Variants in NTNG2 observed in about 807,000 individuals in gnomAD.
The protein encoded by NTNG2 is netrin G2.
NTNG2 carries 15 observed loss-of-function variants against 47.6 expected under a neutral mutation model. The observed-to-expected ratio is 0.32, with a 90% CI of 0.21 to 0.49. The LOEUF (loss-of-function observed/expected upper bound fraction) is 0.49. Ranked by LOEUF, NTNG2 falls within the 20% of genes least tolerant of loss-of-function variation. The pLI is 0.99. For synonymous variants in NTNG2, 307 were observed against 324.6 expected (o/e 0.95, Z 0.58); for missense variants, 578 against 764.6 (o/e 0.76, Z 2.88).
chr9:132,189,745 T>C (rs749986138), intron 2 of NTNG2, among the ~76,000 whole-genome samples: 13 of 152,088 alleles, frequency 8.5e-5, no homozygotes, highest in Non-Finnish European at 1.5e-4. Flanking sequence ...GTTCAAATGA[T>C]TCTCGTGCCT....
chr9:132,241,845 C>A (rs1589576707), intron 7 of NTNG2, 31 bp from the exon 8 acceptor site: 2 of 1,492,486 alleles, frequency 1.3e-6, no homozygotes, highest in African/African-American at 1.4e-5. Flanking sequence ...ACCGGGCCAC[C>A]CCCCGTGCTG....
intron 3 of NTNG2, among the ~76,000 whole-genome samples, chr9:132,223,559 T>C (rs555871412): frequency 3.0e-4 from 46 of 152,074 alleles, no homozygotes; most frequent in Non-Finnish European, 6.2e-4. Flanking sequence ...TTACACATCC[T>C]CAAAACAATC....
intron 2 of NTNG2, among the ~76,000 whole-genome samples, chr9:132,194,546 C>G (rs1838137568): frequency 6.6e-6 from 1 of 152,336 alleles, no homozygotes; most frequent in Non-Finnish European, 1.5e-5. Flanking sequence ...GCATGGTGGG[C>G]TTGCCAGTGG....
intron 3 of NTNG2, among the ~76,000 whole-genome samples, chr9:132,210,553 C>CG (rs1839516772): frequency 6.6e-6 from 1 of 152,212 alleles, no homozygotes; most frequent in Non-Finnish European, 1.5e-5. Context: ...CAACAGCGGA[C>CG]GGGGGACTGA....
intron 2 of NTNG2, among the ~76,000 whole-genome samples, chr9:132,176,310 C>T (rs548909652): frequency 3.1e-4 from 47 of 152,346 alleles, no homozygotes; most frequent in African/African-American, 1.0e-3. Context: ...ACGTTTCCAT[C>T]GCCCCAATAG....
chr9:132,163,884 A>AAG lies in NTNG2; in HGVS notation c.-484+1647_-484+1648dup, dbSNP rs1406872257. The stretch of plus-strand genomic sequence containing the variant: ...CCCCTTGGTTCCTGAGGACTCTTAA[A>AAG]AGAAAATAAAGCACATTGATTCTAT... On this transcript the variant is annotated intron_variant, in intron 1 of 7. Coordinates refer to ENST00000393229, the MANE Select transcript of NTNG2 (RefSeq NM_032536.4). The surrounding 1 kb of genome is among the most constrained non-coding windows in gnomAD (Gnocchi z 7.2). Among the ~76,000 whole-genome samples, 2 of 152,220 alleles carry AAG rather than the reference A, an allele frequency of 1.3e-5. No homozygotes were observed. Among genetic ancestry groups the AAG allele is most frequent in the Admixed American group, 6.5e-5 (1 of 15,282 alleles).
At chr9:132,202,703 T>G (rs1158827833) in intron 3 of NTNG2, among the ~76,000 whole-genome samples, 1 of 152,160 alleles carries the variant, frequency 6.6e-6, no homozygotes, top group Non-Finnish European at 1.5e-5. Flanking sequence ...CACACAACCA[T>G]TAAGAGAAGC....
intron 2 of NTNG2, among the ~76,000 whole-genome samples, chr9:132,175,419 G>C (rs1453371132): frequency 2.0e-5 from 3 of 152,196 alleles, no homozygotes; most frequent in African/African-American, 7.2e-5. Flanking sequence ...TGTGCCGTGG[G>C]GCTGGTCCAG....
chr9:132,177,735 G>A (rs957950785), intron 2 of NTNG2, among the ~76,000 whole-genome samples: 4 of 152,118 alleles, frequency 2.6e-5, no homozygotes, highest in African/African-American at 9.7e-5. Context: ...TCAGCTCACT[G>A]CAACCTCCCC....
At position 132,221,044 on chromosome 9, in the gene NTNG2, C is replaced by T. The variant is rs1203172029; in HGVS notation, c.858-5805C>T. On this transcript the variant is annotated intron_variant, in intron 3 of 7. Transcript: ENST00000393229. The surrounding 1 kb of genome is among the most constrained non-coding windows in gnomAD (Gnocchi z 4.2). ...TGTTTTACAGTCCATGCGCCCATCT[C>T]CCCCAGTCATCTCGTACATCCCACT... is the stretch of plus-strand genomic sequence containing the variant. Among the ~76,000 whole-genome samples, 1 of 152,062 alleles carries T rather than the reference C, an allele frequency of 6.6e-6. No individual in the cohort carries two copies. The highest frequency in any genetic ancestry group is 1.5e-5 in the Non-Finnish European group (1 of 68,022).
At position 132,242,145 on chromosome 9, in the gene NTNG2, G is replaced by C; in HGVS notation, c.*34G>C. On this transcript the variant is annotated 3_prime_UTR_variant, in exon 8 of 8. Transcript: ENST00000393229. This position sits in a 1 kb window ranked among gnomAD's most constrained non-coding sequence, Gnocchi z 5.9. ...CGGAGGACGCTCCCCGCACCCGGAG[G>C]CCGGGGGTCCCGGGGTCCCGGGGCG... 1 of 1,048,206 alleles carries C rather than the reference G, an allele frequency of 9.5e-7. No individual in the cohort carries two copies. The highest frequency in any genetic ancestry group is 1.2e-6 in the Non-Finnish European group (1 of 859,148). 64.9% of individuals were successfully genotyped at this position (1,048,206 alleles called of 1,614,324 possible). A position where few individuals can be genotyped will look rare whatever the true frequency, so the allele number is the denominator to read the frequency against.
At chr9:132,169,298 C>T (rs574609867) in intron 2 of NTNG2, among the ~76,000 whole-genome samples, 7 of 152,296 alleles carry the variant, frequency 4.6e-5, no homozygotes, top group African/African-American at 9.6e-5. Context: ...CCGATGAGGA[C>T]GGGGAGGCCG....
chr9:132,191,771 A>G (rs1837911764), intron 2 of NTNG2, among the ~76,000 whole-genome samples: 1 of 152,026 alleles, frequency 6.6e-6, no homozygotes, highest in South Asian at 2.1e-4. Flanking sequence ...ACGGGGTTTC[A>G]CTGTGTTAGC....
Position 132,231,197 on chromosome 9 carries a change from G to A in NTNG2, c.1054+602G>A, listed in dbSNP as rs1841189841. 1 of 410,628 alleles carries A rather than the reference G, an allele frequency of 2.4e-6. No individual in the cohort carries two copies. Among genetic ancestry groups the A allele is most frequent in the African/African-American group, 2.1e-5 (1 of 48,590 alleles). 25.4% of individuals were successfully genotyped at this position (410,628 alleles called of 1,614,324 possible). ...GGTGGGGGTCCTGAGAGTTCCCCAGGAGGGCGAGGGCGACATGGCGCCCAC... is the reference window on the plus strand; with the variant it reads ...GGTGGGGGTCCTGAGAGTTCCCCAGAAGGGCGAGGGCGACATGGCGCCCAC... On this transcript the variant is annotated intron_variant, in intron 5 of 7. Transcript: ENST00000393229. This position sits in a 1 kb window ranked among gnomAD's most constrained non-coding sequence, Gnocchi z 4.1.
Position 132,240,670 on chromosome 9 carries a change from G to A in NTNG2, c.1223-240G>A, listed in dbSNP as rs1841917930. On this transcript the variant is annotated intron_variant, in intron 6 of 7. Coordinates refer to ENST00000393229, the MANE Select transcript of NTNG2 (RefSeq NM_032536.4). ...ACCCAGGCCACACCAGTGCCAGGGC[G>A]GGGAAGGTGGGGCTGGGACGTGTTT... The A allele has an allele frequency of 5.0e-6, 3 of 599,162 alleles. No individual in the cohort carries two copies. In the South Asian group the frequency reaches 5.9e-5, roughly 12 times the overall value. 37.1% of individuals were successfully genotyped at this position (599,162 alleles called of 1,614,324 possible). A position where few individuals can be genotyped will look rare whatever the true frequency, so the allele number is the denominator to read the frequency against.
chr9:132,230,303 G>A (rs1475560820), intron 4 of NTNG2, among the ~76,000 whole-genome samples: 7 of 152,226 alleles, frequency 4.6e-5, no homozygotes, highest in Non-Finnish European at 8.8e-5. Context: ...GGCAAGTCAC[G>A]GCTCTGAGAT....
chr9:132,197,179 C>G lies in NTNG2; in HGVS notation c.214-787C>G, dbSNP rs1838375650. 6.6e-6 allele frequency among the ~76,000 whole-genome samples: 1 copy of G among 152,108 alleles called. No individual in the cohort carries two copies. Among genetic ancestry groups the G allele is most frequent in the African/African-American group, 2.4e-5 (1 of 41,420 alleles). ...GCAAGCCAGGTGGATCAACGGAGGTCAGAGTTCGAGACCAGCCTGGCCAAC... is the reference window on the plus strand; with the variant it reads ...GCAAGCCAGGTGGATCAACGGAGGTGAGAGTTCGAGACCAGCCTGGCCAAC... On this transcript the variant is annotated intron_variant, in intron 2 of 7. Coordinates refer to ENST00000393229, the MANE Select transcript of NTNG2 (RefSeq NM_032536.4). The surrounding 1 kb of genome is among the most constrained non-coding windows in gnomAD (Gnocchi z 4.3).
chr9:132,176,595 A>G (rs975514729), intron 2 of NTNG2, among the ~76,000 whole-genome samples: 6 of 152,162 alleles, frequency 3.9e-5, no homozygotes, highest in Non-Finnish European at 7.4e-5. Flanking sequence ...TTCCTAACTG[A>G]TGGACATTTG....
chr9:132,202,095 G>C (rs891092738), intron 3 of NTNG2, among the ~76,000 whole-genome samples: 1 of 152,186 alleles, frequency 6.6e-6, no homozygotes, highest in South Asian at 2.1e-4. Context: ...GCTCTGACTT[G>C]AGCCCACCTG....
Sources: gnomAD v4.1 joint callset for allele counts (sites outside exome capture counted in the v4.1 genomes callset) on GRCh38, gnomAD v4.1.1 for gene constraint, Gnocchi (gnomAD v3.1) non-coding constraint, MANE v1.5 for transcripts, NCBI Gene and HGNC (gene_info 2026-07-23, HGNC 2026-07-21) for gene names.